PARD3B: variants seen among roughly 807,000 people sequenced by gnomAD.
PARD3B encodes the protein partitioning defective 3 homolog B.
In PARD3B, 103 loss-of-function variants were observed where a neutral mutation model predicts 130.2. The observed-to-expected ratio is 0.79, with a 90% CI of 0.67 to 0.93. The LOEUF is 0.93. Among genes scored for constraint, PARD3B ranks in the 40% least tolerant of loss-of-function variants. The pLI, the probability that PARD3B is intolerant of heterozygous loss-of-function variation, is 0.00. For missense variants in PARD3B, 1,609 were observed against 1,499.2 expected (o/e 1.07, Z -1.21); for synonymous variants, 583 against 553.2 (o/e 1.05, Z -0.76).
chr2:204,583,772 G>C (rs918887339), intron 1 of PARD3B, among the ~76,000 whole-genome samples: 1 of 152,164 alleles, frequency 6.6e-6, no homozygotes, highest in Non-Finnish European at 1.5e-5. Flanking sequence ...AATCAAACTT[G>C]TAGTGTCATT....
At chr2:204,781,845 A>G (rs1299364852) in intron 2 of PARD3B, among the ~76,000 whole-genome samples, 3 of 152,226 alleles carry the variant, frequency 2.0e-5, no homozygotes, top group Non-Finnish European at 4.4e-5. Context: ...TTGTTGAAAC[A>G]AAGTGCTTAA....
In PARD3B at chr2:205,366,474, T is replaced by A. The variant is rs2044614323; in HGVS notation, c.2631-34539T>A. Among the ~76,000 whole-genome samples the A allele has an allele frequency of 6.6e-6, 1 of 152,308 alleles. No individual in the cohort carries two copies. ...ATGAAGTGTCTTTTTCTGACGAGTT[T>A]AAAAGATTCTGTAATTCACTGCATT... On this transcript the variant is annotated intron_variant, in intron 18 of 22. Coordinates refer to ENST00000406610, the MANE Select transcript of PARD3B (RefSeq NM_001302769.2). This position sits in a 1 kb window ranked among gnomAD's most constrained non-coding sequence, Gnocchi z 5.0.
At chr2:204,624,058 G>C (rs183013227) in intron 1 of PARD3B, among the ~76,000 whole-genome samples, 85 of 152,256 alleles carry the variant, frequency 5.6e-4, no homozygotes, top group African/African-American at 1.9e-3. Flanking sequence ...TGGACATTTA[G>C]AGTGAAATGT....
intron 14 of PARD3B, among the ~76,000 whole-genome samples, chr2:205,192,754 C>G (rs1236165961): frequency 6.6e-6 from 1 of 152,196 alleles, no homozygotes; most frequent in Non-Finnish European, 1.5e-5. Flanking sequence ...AGGCATCAGT[C>G]ATTCAACAGG....
intron 20 of PARD3B, among the ~76,000 whole-genome samples, chr2:205,466,894 G>A (rs1453988702): frequency 6.6e-6 from 1 of 152,138 alleles, no homozygotes; most frequent in East Asian, 1.9e-4. Flanking sequence ...TGTGTTTTTA[G>A]TAGAGACAGG....
intron 20 of PARD3B, among the ~76,000 whole-genome samples, chr2:205,454,229 A>G (rs1309249078): frequency 6.6e-6 from 1 of 152,108 alleles, no homozygotes; most frequent in African/African-American, 2.4e-5. Context: ...ATACCTTTTC[A>G]TTATACAATC....
At chr2:205,522,365 G>T (rs1329190999) in intron 21 of PARD3B, among the ~76,000 whole-genome samples, 1 of 151,484 alleles carries the variant, frequency 6.6e-6, no homozygotes, top group Non-Finnish European at 1.5e-5. Context: ...TTAAATCAAG[G>T]AATTAGGTTT....
At chr2:204,576,580 C>T (rs567452150) in intron 1 of PARD3B, among the ~76,000 whole-genome samples, 2 of 151,884 alleles carry the variant, frequency 1.3e-5, no homozygotes, top group Admixed American at 1.3e-4. Flanking sequence ...TGCAATAGGC[C>T]GGTGGTTCTC....
chr2:204,784,974 T>C (rs1377339262), intron 2 of PARD3B, among the ~76,000 whole-genome samples: 1 of 152,182 alleles, frequency 6.6e-6, no homozygotes, highest in African/African-American at 2.4e-5. Context: ...AAATTAAAGC[T>C]ATGGAGCTTC....
intron 4 of PARD3B, among the ~76,000 whole-genome samples, chr2:205,084,166 T>C (rs1246253845): frequency 1.3e-5 from 2 of 152,154 alleles, no homozygotes; most frequent in Non-Finnish European, 2.9e-5. Flanking sequence ...TTCTGTCTAT[T>C]ATGACTCTTT....
At chr2:205,474,127 G>C (rs1455511968) in intron 20 of PARD3B, among the ~76,000 whole-genome samples, 1 of 151,816 alleles carries the variant, frequency 6.6e-6, no homozygotes, top group Non-Finnish European at 1.5e-5. Context: ...CTGTCCCACT[G>C]TGGTTAGTTC....
chr2:205,479,639 A>G (rs1390918839), intron 20 of PARD3B, among the ~76,000 whole-genome samples: 3 of 152,196 alleles, frequency 2.0e-5, no homozygotes, highest in East Asian at 1.9e-4. Flanking sequence ...CCAGTCTACC[A>G]TCACCCCTCA....
chr2:205,201,450 A>T (rs1163067635), intron 15 of PARD3B, among the ~76,000 whole-genome samples: 1 of 152,226 alleles, frequency 6.6e-6, no homozygotes, highest in Non-Finnish European at 1.5e-5. Context: ...CAAAATTATG[A>T]GAAAGAGACC....
In PARD3B at chr2:205,183,082, G is replaced by A. The variant is rs2035883083; in HGVS notation, c.1925-2682G>A. ...TAAAAGTGACAGATCCTTGGCAACA[G>A]CGAAGGCTTCATAGTAAAAGTGATA... On this transcript the variant is annotated intron_variant, in intron 13 of 22. Coordinates refer to ENST00000406610, the MANE Select transcript of PARD3B (RefSeq NM_001302769.2). The surrounding 1 kb of genome is among the most constrained non-coding windows in gnomAD (Gnocchi z 5.2). Among the ~76,000 whole-genome samples the A allele has an allele frequency of 6.6e-6, 1 of 152,182 alleles. No individual in the cohort carries two copies. The highest frequency in any genetic ancestry group is 2.4e-5 in the African/African-American group (1 of 41,448).
chr2:204,762,331 C>G (rs1422883803), intron 2 of PARD3B, among the ~76,000 whole-genome samples: 3 of 151,864 alleles, frequency 2.0e-5, no homozygotes, highest in Non-Finnish European at 4.4e-5. Flanking sequence ...TCAGGATGGT[C>G]TCGATCTCCT....
intron 3 of PARD3B, among the ~76,000 whole-genome samples, chr2:204,992,905 C>T (rs1281638252): frequency 3.6e-5 from 5 of 138,190 alleles, no homozygotes; most frequent in Admixed American, 3.0e-4. Context: ...ATAAGAATGC[C>T]TGTGATTTTT....
At chr2:205,576,551 G>C (rs974817957) in intron 22 of PARD3B, among the ~76,000 whole-genome samples, 3 of 152,096 alleles carry the variant, frequency 2.0e-5, no homozygotes, top group Non-Finnish European at 4.4e-5. Flanking sequence ...TTGAAAAGAC[G>C]ATCTCTTCTC....
At chr2:204,939,080 G>C (rs944453677) in intron 2 of PARD3B, among the ~76,000 whole-genome samples, 11 of 151,962 alleles carry the variant, frequency 7.2e-5, no homozygotes, top group African/African-American at 2.4e-4. Flanking sequence ...TATCTGACAT[G>C]GTACTCCTGA....
At chr2:205,565,863 A>AATT (rs775115449) in intron 22 of PARD3B, among the ~76,000 whole-genome samples, 6 of 151,826 alleles carry the variant, frequency 4.0e-5, no homozygotes, top group Non-Finnish European at 7.4e-5. Flanking sequence ...AGAAGATAGT[A>AATT]ATTCAGCAGT....
Sources: gnomAD v4.1 joint callset for allele counts (sites outside exome capture counted in the v4.1 genomes callset) on GRCh38, gnomAD v4.1.1 for gene constraint, Gnocchi (gnomAD v3.1) non-coding constraint, MANE v1.5 for transcripts, NCBI Gene and HGNC (gene_info 2026-07-23, HGNC 2026-07-21) for gene names.